SLC35F2: variants seen among roughly 807,000 people sequenced by gnomAD.
SLC35F2 encodes solute carrier family 35 member F2.
Under a neutral mutation model 38.1 loss-of-function variants are expected in SLC35F2, and 25 were observed. The ratio of observed to expected loss-of-function variants is 0.66; its 90% CI spans 0.48 to 0.92. The LOEUF is 0.92. Ranked by LOEUF, SLC35F2 falls within the 40% of genes least tolerant of loss-of-function variation. The probability of loss-of-function intolerance (pLI) is 0.00; values close to 1 mark genes in which losing one functional copy is unlikely to be tolerated. For missense variants in SLC35F2, 409 were observed against 452.9 expected (o/e 0.90, Z 0.88); for synonymous variants, 173 against 181.7 (o/e 0.95, Z 0.38).
At chr11:107,829,639 A>T (rs923319567) in intron 1 of SLC35F2, among the ~76,000 whole-genome samples, 1 of 147,954 alleles carries the variant, frequency 6.8e-6, no homozygotes, top group Non-Finnish European at 1.5e-5. Flanking sequence ...AAATTAAGAC[A>T]CCTCTTGATG....
At chr11:107,841,494 C>T (rs1396107623) in intron 1 of SLC35F2, among the ~76,000 whole-genome samples, 10 of 141,600 alleles carry the variant, frequency 7.1e-5, no homozygotes, top group African/African-American at 2.4e-4. Context: ...ATCCAGGAGG[C>T]GGAGGCCACA....
intron 1 of SLC35F2, among the ~76,000 whole-genome samples, chr11:107,827,031 C>T (rs533739400): frequency 4.6e-5 from 7 of 151,882 alleles, no homozygotes; most frequent in East Asian, 3.9e-4. Flanking sequence ...ATATGAATAT[C>T]GTATATACAT....
intron 1 of SLC35F2, among the ~76,000 whole-genome samples, chr11:107,833,050 A>G (rs1859873074): frequency 6.6e-6 from 1 of 152,188 alleles, no homozygotes; most frequent in Non-Finnish European, 1.5e-5. Context: ...GGCATCCATC[A>G]TCATCAAGTA....
At chr11:107,793,548 G>T (rs535680144) in intron 7 of SLC35F2, among the ~76,000 whole-genome samples, 2 of 152,244 alleles carry the variant, frequency 1.3e-5, no homozygotes, top group Non-Finnish European at 2.9e-5. Context: ...AGGGGCATCT[G>T]CTCAACAGCC....
At chr11:107,819,795 C>G (rs1392582961) in intron 1 of SLC35F2, among the ~76,000 whole-genome samples, 1 of 152,170 alleles carries the variant, frequency 6.6e-6, no homozygotes, top group Non-Finnish European at 1.5e-5. Context: ...ATACCTATCA[C>G]AGCTCACAAT....
chr11:107,856,905 AAGGGAGGG>A (rs59133662), intron 1 of SLC35F2, among the ~76,000 whole-genome samples: 36,531 of 77,192 alleles, frequency 0.47, 7,906 homozygotes, highest in Admixed American at 0.58. Context: ...GGAAGGAAGG[AAGGGAGGG>A]AGGGAGGGAG....
At chr11:107,824,196 C>T (rs1859720413) in intron 1 of SLC35F2, among the ~76,000 whole-genome samples, 1 of 152,184 alleles carries the variant, frequency 6.6e-6, no homozygotes, top group African/African-American at 2.4e-5. Context: ...TATATGATCA[C>T]CTCACAAAGA....
At chr11:107,853,368 C>CCAAAGAGA (rs1860219156) in intron 1 of SLC35F2, among the ~76,000 whole-genome samples, 1 of 151,998 alleles carries the variant, frequency 6.6e-6, no homozygotes, top group Non-Finnish European at 1.5e-5. Flanking sequence ...TTCGTTATGG[C>CCAAAGAGA]CAAAGAGACA....
At chr11:107,823,429 G>A (rs1859706233) in intron 1 of SLC35F2, among the ~76,000 whole-genome samples, 1 of 152,056 alleles carries the variant, frequency 6.6e-6, no homozygotes, top group Admixed American at 6.6e-5. Flanking sequence ...ATAGTTACTT[G>A]GGGGAGATTT....
At chr11:107,847,890 G>A (rs528485566) in intron 1 of SLC35F2, among the ~76,000 whole-genome samples, 1 of 152,310 alleles carries the variant, frequency 6.6e-6, no homozygotes, top group South Asian at 2.1e-4. Flanking sequence ...GGTGAGCCTG[G>A]AGAGGGAAGT....
intron 1 of SLC35F2, chr11:107,821,630 T>C: frequency 2.0e-6 from 2 of 985,212 alleles, no homozygotes; most frequent in Non-Finnish European, 2.4e-6. Context: ...AGAGGAACCC[T>C]CTATACCATA....
intron 1 of SLC35F2, among the ~76,000 whole-genome samples, chr11:107,848,747 T>G (rs1316985998): frequency 6.6e-6 from 1 of 152,122 alleles, no homozygotes; most frequent in Non-Finnish European, 1.5e-5. Context: ...AAACGATCAA[T>G]AGCAGCACAC....
chr11:107,802,263 A>G (rs1162240101), intron 7 of SLC35F2, among the ~76,000 whole-genome samples: 3 of 149,224 alleles, frequency 2.0e-5, no homozygotes, highest in African/African-American at 7.6e-5. Context: ...ATAATAAAAT[A>G]AAATAAATAA....
chr11:107,802,224 T>C (rs111959973), intron 7 of SLC35F2, among the ~76,000 whole-genome samples: 21,386 of 149,388 alleles, frequency 0.14, 2,529 homozygotes, highest in East Asian at 0.41. Flanking sequence ...GGCAACAGAG[T>C]GAGACTCCAT....
chr11:107,794,705 G>A (rs7127864), intron 7 of SLC35F2, among the ~76,000 whole-genome samples: 12,811 of 152,122 alleles, frequency 0.084, 1,337 homozygotes, highest in East Asian at 0.28. Flanking sequence ...CCTAGCCAGA[G>A]CAATTAGGCA....
At position 107,792,115 on chromosome 11, in the gene SLC35F2, A is replaced by G. The variant is rs518073; in HGVS notation, c.*500T>C. 0.41 allele frequency: 59,994 copies of G among 147,570 alleles called. 13,103 individuals are homozygous for G. Among genetic ancestry groups the G allele is most frequent in the Non-Finnish European group, 0.49 (33,253 of 67,534 alleles). The allele number at this position is 147,570 out of a possible 1,614,324, so 9.1% of individuals were successfully genotyped here. On this transcript the variant is annotated 3_prime_UTR_variant, in exon 8 of 8. Transcript: ENST00000525815. ...TTTTCTGCCACATGCAGTCAGCCCC[A>G]AGGCCTCATCTGTACCCAAAGGCCT...
chr11:107,828,629 G>T (rs1859790621), intron 1 of SLC35F2, among the ~76,000 whole-genome samples: 1 of 151,946 alleles, frequency 6.6e-6, no homozygotes, highest in Non-Finnish European at 1.5e-5. Context: ...TTGTCCTTGT[G>T]GAAATAGTCT....
intron 1 of SLC35F2, among the ~76,000 whole-genome samples, chr11:107,831,011 C>A (rs1215491096): frequency 2.0e-5 from 3 of 152,198 alleles, no homozygotes; most frequent in Admixed American, 2.0e-4. Context: ...TATATGGCTA[C>A]CCAGGTAGGT....
At chr11:107,801,739 G>A (rs1326416582) in intron 7 of SLC35F2, among the ~76,000 whole-genome samples, 1 of 152,036 alleles carries the variant, frequency 6.6e-6, no homozygotes, top group Non-Finnish European at 1.5e-5. Flanking sequence ...GTCTGATTAT[G>A]AGACTTTAAC....
Sources: gnomAD v4.1 joint callset for allele counts (sites outside exome capture counted in the v4.1 genomes callset) on GRCh38, gnomAD v4.1.1 for gene constraint, MANE v1.5 for transcripts, NCBI Gene and HGNC (gene_info 2026-07-23, HGNC 2026-07-21) for gene names.